The following SEMA3A variants were observed in gnomAD, a reference collection of about 807,000 sequenced individuals.
SEMA3A encodes semaphorin 3A.
SEMA3A carries 29 observed loss-of-function variants against 97.9 expected under a neutral mutation model. The ratio of observed to expected loss-of-function variants is 0.30; its 90% CI spans 0.22 to 0.40. The LOEUF (loss-of-function observed/expected upper bound fraction) is 0.40, where lower values mean the gene tolerates loss of function less well. Among genes scored for constraint, SEMA3A ranks in the 10% least tolerant of loss-of-function variants. SEMA3A has a pLI of 1.00. For synonymous variants in SEMA3A, 321 were observed against 323.7 expected (o/e 0.99, Z 0.09); for missense variants, 763 against 951.3 (o/e 0.80, Z 2.60).
intron 1 of SEMA3A, among the ~76,000 whole-genome samples, chr7:84,185,519 TAAAAAATAA>T (rs143002779): frequency 0.063 from 9,403 of 150,214 alleles, 332 homozygotes; most frequent in African/African-American, 0.091. Context: ...TAAAAAAATT[TAAAAAATAA>T]AAAAAATAAA....
chr7:83,991,532 G>A (rs1737328118), intron 12 of SEMA3A, among the ~76,000 whole-genome samples: 1 of 151,706 alleles, frequency 6.6e-6, no homozygotes, highest in African/African-American at 2.4e-5. Flanking sequence ...AGCATGAAGG[G>A]TTGTTGAATT....
At chr7:84,433,552 T>G (rs979345253) in intron 1 of SEMA3A, among the ~76,000 whole-genome samples, 3 of 152,190 alleles carry the variant, frequency 2.0e-5, no homozygotes, top group African/African-American at 7.2e-5. Context: ...TGCCTATGTC[T>G]TTATAGTAGA....
At chr7:84,444,164 G>A (rs1805347158) in intron 1 of SEMA3A, among the ~76,000 whole-genome samples, 1 of 152,040 alleles carries the variant, frequency 6.6e-6, no homozygotes, top group South Asian at 2.1e-4. Context: ...AGAATTACAG[G>A]TGTGAGCCAC....
chr7:84,413,641 C>CAAAT (rs199850268), intron 1 of SEMA3A, among the ~76,000 whole-genome samples: 1,672 of 151,694 alleles, frequency 0.011, 12 homozygotes, highest in Non-Finnish European at 0.016. Context: ...GTGTCCAAAA[C>CAAAT]AAACAAACAA....
At chr7:84,188,631 T>C (rs1797953588) in intron 1 of SEMA3A, among the ~76,000 whole-genome samples, 1 of 151,952 alleles carries the variant, frequency 6.6e-6, no homozygotes, top group African/African-American at 2.4e-5. Flanking sequence ...GCACACATCA[T>C]ATAATATGTG....
intron 2 of SEMA3A, among the ~76,000 whole-genome samples, chr7:84,353,533 G>A: frequency 6.6e-6 from 1 of 151,630 alleles, no homozygotes; most frequent in Admixed American, 6.6e-5. Flanking sequence ...CTTTCCAGAT[G>A]CATAATCTAT....
intron 2 of SEMA3A, among the ~76,000 whole-genome samples, chr7:84,355,847 C>T (rs1802547537): frequency 6.6e-6 from 1 of 151,772 alleles, no homozygotes; most frequent in Non-Finnish European, 1.5e-5. Flanking sequence ...TTGTAAGTGC[C>T]TGAGAATGTA....
At chr7:84,097,527 A>G (rs1307959166) in intron 4 of SEMA3A, among the ~76,000 whole-genome samples, 2 of 152,128 alleles carry the variant, frequency 1.3e-5, no homozygotes, top group Non-Finnish European at 2.9e-5. Flanking sequence ...TTTAGATCCC[A>G]TTAGACTCGC....
In SEMA3A at chr7:83,996,626, C is replaced by CA. The variant is rs1356515493; in HGVS notation, c.1452+5328dup. On this transcript the variant is annotated intron_variant, in intron 12 of 16. Transcript: ENST00000265362. ...TTTACTAGTAATCTTAATTTTAAAA[C>CA]AAAACACTTTTTAAAAGTATTTATA... Among the ~76,000 whole-genome samples, 5 of 152,060 alleles carry CA rather than the reference C, an allele frequency of 3.3e-5. No individual in the cohort carries two copies. The South Asian group carries it at 1.0e-3, about 31-fold the overall frequency.
intron 11 of SEMA3A, among the ~76,000 whole-genome samples, chr7:84,003,347 C>G (rs1043182576): frequency 2.6e-5 from 4 of 152,106 alleles, no homozygotes; most frequent in African/African-American, 9.7e-5. Flanking sequence ...ACAACTTTAT[C>G]TCTTTTCCAG....
intron 1 of SEMA3A, among the ~76,000 whole-genome samples, chr7:84,399,897 C>A (rs537328614): frequency 5.6e-4 from 85 of 152,270 alleles, no homozygotes; most frequent in African/African-American, 1.9e-3. Context: ...GCTAACATCA[C>A]CCCTCCCCCA....
At chr7:84,173,587 A>T (rs1009587919) in intron 1 of SEMA3A, among the ~76,000 whole-genome samples, 2 of 150,380 alleles carry the variant, frequency 1.3e-5, no homozygotes, top group East Asian at 3.9e-4. Context: ...AAAAAAATTT[A>T]CAAAAATTGT....
intron 3 of SEMA3A, among the ~76,000 whole-genome samples, chr7:84,220,555 G>T (rs1274262798): frequency 6.6e-6 from 1 of 152,112 alleles, no homozygotes; most frequent in Non-Finnish European, 1.5e-5. Context: ...TAACTAATAA[G>T]ACTTGAAATT....
At chr7:84,073,863 T>TAAAAAAAAAA (rs57789538) in intron 4 of SEMA3A, among the ~76,000 whole-genome samples, 2 of 101,680 alleles carry the variant, frequency 2.0e-5, no homozygotes, top group African/African-American at 3.1e-5. Context: ...TAAAAAAAGC[T>TAAAAAAAAAA]AAAAAAAAAA....
intron 6 of SEMA3A, among the ~76,000 whole-genome samples, chr7:84,016,278 G>A (rs971211629): frequency 6.6e-5 from 10 of 152,044 alleles, no homozygotes; most frequent in Admixed American, 2.6e-4. Flanking sequence ...GGTGGCTCAC[G>A]CCTGTAATCC....
intron 4 of SEMA3A, among the ~76,000 whole-genome samples, chr7:84,090,807 C>T (rs2115845870): frequency 6.6e-6 from 1 of 151,546 alleles, no homozygotes; most frequent in South Asian, 2.1e-4. Context: ...TGGCTCACGC[C>T]TGTAATCCTA....
chr7:84,456,830 A>T (rs569738145), intron 1 of SEMA3A, among the ~76,000 whole-genome samples: 17 of 151,926 alleles, frequency 1.1e-4, no homozygotes, highest in Admixed American at 6.6e-4. Flanking sequence ...AGAATATGTT[A>T]AAAAGACCCT....
intron 15 of SEMA3A, among the ~76,000 whole-genome samples, chr7:83,976,432 A>T (rs1303490676): frequency 6.6e-6 from 1 of 152,112 alleles, no homozygotes; most frequent in Non-Finnish European, 1.5e-5. Context: ...CAGCAGAGGG[A>T]AGCATAACCT....
At chr7:84,062,956 T>A (rs953311227) in intron 4 of SEMA3A, among the ~76,000 whole-genome samples, 1 of 151,938 alleles carries the variant, frequency 6.6e-6, no homozygotes, top group East Asian at 2.0e-4. Flanking sequence ...AGGCTCCACC[T>A]CTGGGGGCAG....
Sources: allele counts gnomAD v4.1 joint callset (sites outside exome capture counted in the v4.1 genomes callset), GRCh38; gene constraint gnomAD v4.1.1; transcripts MANE v1.5; gene names NCBI Gene and HGNC (gene_info 2026-07-23, HGNC 2026-07-21).